Variants in SMYD3 observed in about 807,000 individuals in gnomAD.
SMYD3 encodes the protein SET and MYND domain containing 3.
Under a neutral mutation model 57.7 loss-of-function variants are expected in SMYD3, and 36 were observed. The observed-to-expected ratio is 0.62, with a 90% CI of 0.48 to 0.82. SMYD3 has a LOEUF of 0.82. SMYD3 is among the 40% of genes least tolerant of loss of function. SMYD3 has a pLI of 0.00. For synonymous variants in SMYD3, 211 were observed against 195.0 expected (o/e 1.08, Z -0.68); for missense variants, 515 against 538.8 (o/e 0.96, Z 0.44).
intron 5 of SMYD3, among the ~76,000 whole-genome samples, chr1:245,951,721 A>G (rs1055797423): frequency 6.6e-6 from 1 of 151,922 alleles, no homozygotes; most frequent in African/African-American, 2.4e-5. Flanking sequence ...TCCACCAAGA[A>G]GAAACGTCTC....
At chr1:246,023,291 T>G (rs1027242917) in intron 5 of SMYD3, among the ~76,000 whole-genome samples, 17 of 152,244 alleles carry the variant, frequency 1.1e-4, no homozygotes, top group African/African-American at 4.1e-4. Flanking sequence ...TTGGAATGTC[T>G]GTCTGTGCAT....
chr1:246,164,815 T>G (rs12038783), intron 5 of SMYD3, among the ~76,000 whole-genome samples: 3,511 of 152,272 alleles, frequency 0.023, 210 homozygotes, highest in East Asian at 0.22. Context: ...ATGGAAAACA[T>G]CTATTTATCA....
chr1:245,993,112 C>T (rs2058842163), intron 5 of SMYD3, among the ~76,000 whole-genome samples: 1 of 152,218 alleles, frequency 6.6e-6, no homozygotes, highest in African/African-American at 2.4e-5. Context: ...TCAACGTTTA[C>T]TGGGTGTTCA....
intron 5 of SMYD3, among the ~76,000 whole-genome samples, chr1:246,313,535 T>C (rs1479242426): frequency 6.6e-6 from 1 of 152,216 alleles, no homozygotes; most frequent in Non-Finnish European, 1.5e-5. Flanking sequence ...CAGCTCTGCA[T>C]AAACAGTGTC....
intron 5 of SMYD3, among the ~76,000 whole-genome samples, chr1:246,281,866 T>C (rs189559049): frequency 6.6e-6 from 1 of 152,266 alleles, no homozygotes; most frequent in African/African-American, 2.4e-5. Context: ...CAGCTCATAC[T>C]ACCAGTCAGC....
chr1:246,337,946 T>G lies in SMYD3; in HGVS notation c.229-2472A>C, dbSNP rs114015826. Reference sequence around the variant, plus strand: ...AAATTCCTGTTAAAACAACTTTAGGTCCTTAACATAATTGATATAGAGCTC... The same window carrying G: ...AAATTCCTGTTAAAACAACTTTAGGGCCTTAACATAATTGATATAGAGCTC... On this transcript the variant is annotated intron_variant, in intron 2 of 11. Coordinates refer to ENST00000490107, the MANE Select transcript of SMYD3 (RefSeq NM_001167740.2). Among the ~76,000 whole-genome samples the G allele has an allele frequency of 9.1e-3, 1,255 of 138,354 alleles. 19 individuals are homozygous for G. Among genetic ancestry groups the G allele is most frequent in the African/African-American group, 0.032 (1,163 of 36,040 alleles). 90.8% of individuals were successfully genotyped at this position (138,354 alleles called of 152,430 possible).
intron 5 of SMYD3, among the ~76,000 whole-genome samples, chr1:246,290,152 C>A (rs1414444092): frequency 6.6e-6 from 1 of 152,180 alleles, no homozygotes; most frequent in Non-Finnish European, 1.5e-5. Flanking sequence ...GGAAATTGGA[C>A]TGGGGAAGAC....
chr1:246,208,175 C>A (rs532447815), intron 5 of SMYD3, among the ~76,000 whole-genome samples: 1 of 152,198 alleles, frequency 6.6e-6, no homozygotes, highest in African/African-American at 2.4e-5. Flanking sequence ...TGTCTCTCTG[C>A]ATGCACATTT....
At chr1:246,487,946 A>C (rs7540795) in intron 1 of SMYD3, among the ~76,000 whole-genome samples, 1 of 152,088 alleles carries the variant, frequency 6.6e-6, no homozygotes, top group Admixed American at 6.5e-5. Flanking sequence ...TGCATGCCTC[A>C]GCCTCCCAAA....
At chr1:245,842,637 T>C (rs2050462721) in intron 10 of SMYD3, among the ~76,000 whole-genome samples, 1 of 152,240 alleles carries the variant, frequency 6.6e-6, no homozygotes, top group African/African-American at 2.4e-5. Context: ...GCCATACTTC[T>C]ATAAATCGGC....
chr1:246,205,857 C>T (rs897679557), intron 5 of SMYD3, among the ~76,000 whole-genome samples: 1 of 152,110 alleles, frequency 6.6e-6, no homozygotes. Flanking sequence ...AGCAAACTTC[C>T]CAGTTCTGCT....
intron 5 of SMYD3, among the ~76,000 whole-genome samples, chr1:246,081,284 G>C (rs977342916): frequency 5.9e-5 from 9 of 152,196 alleles, no homozygotes; most frequent in African/African-American, 2.2e-4. Flanking sequence ...TCACTCTGTG[G>C]TATCTAAATA....
intron 5 of SMYD3, among the ~76,000 whole-genome samples, chr1:246,022,627 C>A (rs1266830359): frequency 1.3e-5 from 2 of 152,202 alleles, no homozygotes; most frequent in Non-Finnish European, 1.5e-5. Context: ...AGGGCTGTAT[C>A]TATCAGCGTA....
At chr1:246,236,209 T>C (rs927949887) in intron 5 of SMYD3, among the ~76,000 whole-genome samples, 2 of 152,102 alleles carry the variant, frequency 1.3e-5, no homozygotes, top group Non-Finnish European at 2.9e-5. Context: ...TAAGTATACA[T>C]TTAATTATTT....
chr1:246,465,561 C>T (rs544812502), intron 1 of SMYD3, among the ~76,000 whole-genome samples: 4 of 152,178 alleles, frequency 2.6e-5, no homozygotes, highest in East Asian at 3.9e-4. Context: ...GGGCGGGGCA[C>T]GGTGGCTCAT....
chr1:245,857,660 C>A, intron 10 of SMYD3, among the ~76,000 whole-genome samples: 1 of 152,190 alleles, frequency 6.6e-6, no homozygotes. Flanking sequence ...ACCTTCCCGC[C>A]AGCAACCTTG....
intron 5 of SMYD3, among the ~76,000 whole-genome samples, chr1:246,106,477 T>G (rs1281227840): frequency 1.4e-5 from 2 of 147,382 alleles, no homozygotes; most frequent in Non-Finnish European, 3.0e-5. Flanking sequence ...GCAAGGCGAG[T>G]AAACTGATCG....
At chr1:246,035,438 T>A (rs2059756736) in intron 5 of SMYD3, 1 of 152,224 alleles carries the variant, frequency 6.6e-6, no homozygotes, top group African/African-American at 2.4e-5. Context: ...GTTCCCAGGA[T>A]GACTGCTGTG....
At chr1:245,801,250 A>G (rs1018260680) in intron 10 of SMYD3, among the ~76,000 whole-genome samples, 2 of 152,234 alleles carry the variant, frequency 1.3e-5, no homozygotes, top group Non-Finnish European at 2.9e-5. Context: ...TTTTATATGC[A>G]AAAGTGTTTT....
Sources: gnomAD v4.1 joint callset for allele counts (sites outside exome capture counted in the v4.1 genomes callset) on GRCh38, gnomAD v4.1.1 for gene constraint, MANE v1.5 for transcripts, NCBI Gene and HGNC (gene_info 2026-07-23, HGNC 2026-07-21) for gene names.